Variants in RGSL1 observed in about 807,000 individuals in gnomAD.
The protein encoded by RGSL1 is regulator of G protein signaling protein-like.
In RGSL1, 97 loss-of-function variants were observed where a neutral mutation model predicts 124.7. The observed-to-expected ratio is 0.78, with a 90% CI of 0.66 to 0.92. The LOEUF is 0.92. Ranked by LOEUF, RGSL1 falls within the 40% of genes least tolerant of loss-of-function variation. The pLI is 0.00. For synonymous variants in RGSL1, 424 were observed against 438.1 expected, an observed-to-expected ratio of 0.97 and a Z score of 0.40; for missense variants, 1,233 against 1,288.4, an observed-to-expected ratio of 0.96 and a Z score of 0.66.
At chr1:182,478,991 A>G (rs1365382708) in intron 6 of RGSL1, among the ~76,000 whole-genome samples, 1 of 152,220 alleles carries the variant, frequency 6.6e-6, no homozygotes, top group Admixed American at 6.5e-5. Context: ...CTTTACCCAG[A>G]AAAATTATCC....
intron 21 of RGSL1, 114 bp from the exon 22 acceptor site, chr1:182,560,165 A>C (rs1316256827): frequency 6.6e-6 from 1 of 152,248 alleles, no homozygotes; most frequent in Non-Finnish European, 1.5e-5. Flanking sequence ...CAGTTCAACT[A>C]TCAATTACAG....
At chr1:182,554,270 C>A (rs1000973685) in intron 19 of RGSL1, among the ~76,000 whole-genome samples, 2 of 152,208 alleles carry the variant, frequency 1.3e-5, no homozygotes, top group African/African-American at 4.8e-5. Flanking sequence ...ATGGGGGAGG[C>A]CACTATGGAA....
rs1333821124 is a variant in RGSL1 at position 182,473,976 on chromosome 1, G to T, written c.865G>T (p.Val289Phe). ...LQETCPQEKV[V>F]IQMPSLKMAS... ...GGAGACATGTCCTCAAGAGAAGGTG[G>T]TTATACAAATGCCTTCCCTGAAAAT... Residue 289 changes from valine (V) to phenylalanine (F), a missense_variant, in exon 6 of 22, where the codon GTT becomes TTT. Physicochemically the swap from Val to Phe is conservative, Grantham distance 50. Transcript: ENST00000294854. 1.3e-6 allele frequency: 2 copies of T among 1,551,978 alleles called. No individual in the cohort carries two copies. The highest frequency in any genetic ancestry group is 1.2e-5 in the South Asian group (1 of 84,064).
intron 6 of RGSL1, among the ~76,000 whole-genome samples, chr1:182,481,571 A>C (rs1323932528): frequency 6.6e-6 from 1 of 152,220 alleles, no homozygotes; most frequent in African/African-American, 2.4e-5. Flanking sequence ...GAGAGAGAAC[A>C]CTTTCAAAGT....
chr1:182,548,746 CAG>C lies in RGSL1; in HGVS notation c.2858_2859del (p.Glu953GlyfsTer39). ...AAGGATGCCATCCTTGCTGCCATCA[CAG>C]AGGGCTACCTAGATCGGAGCGTCTT... On this transcript the variant is annotated frameshift_variant, in exon 17 of 22. Transcript: ENST00000294854. LOFTEE classifies it high-confidence loss of function. The C allele has an allele frequency of 6.4e-7, 1 of 1,551,658 alleles. No individual in the cohort carries two copies. Among genetic ancestry groups the C allele is most frequent in the Non-Finnish European group, 8.7e-7 (1 of 1,146,990 alleles).
chr1:182,476,933 T>C (rs1391941792), intron 6 of RGSL1, among the ~76,000 whole-genome samples: 1 of 152,228 alleles, frequency 6.6e-6, no homozygotes, highest in Non-Finnish European at 1.5e-5. Context: ...GAGGACTTCC[T>C]TGGCCATTTG....
chr1:182,512,680 G>A (rs1657550194), intron 9 of RGSL1, among the ~76,000 whole-genome samples: 1 of 152,158 alleles, frequency 6.6e-6, no homozygotes, highest in African/African-American at 2.4e-5. Flanking sequence ...TTGTACCTGG[G>A]TTCTTGTCTG....
intron 9 of RGSL1, among the ~76,000 whole-genome samples, chr1:182,499,773 A>T (rs974982582): frequency 3.9e-5 from 6 of 152,170 alleles, no homozygotes; most frequent in African/African-American, 1.4e-4. Flanking sequence ...TCAATGGCCT[A>T]TGTACTTAAG....
At chr1:182,525,600 A>G (rs1320348684) in intron 10 of RGSL1, among the ~76,000 whole-genome samples, 1 of 152,178 alleles carries the variant, frequency 6.6e-6, no homozygotes, top group Non-Finnish European at 1.5e-5. Flanking sequence ...AAATATAAAG[A>G]CAGAAAAATC....
intron 9 of RGSL1, among the ~76,000 whole-genome samples, chr1:182,519,554 A>G (rs10911084): frequency 3.3e-5 from 5 of 151,990 alleles, no homozygotes; most frequent in African/African-American, 1.2e-4. Flanking sequence ...TAACTTTACT[A>G]TAATATGCCT....
intron 15 of RGSL1, 74 bp from the exon 16 acceptor site, chr1:182,548,243 T>C: frequency 6.6e-7 from 1 of 1,508,336 alleles, no homozygotes; most frequent in Non-Finnish European, 9.0e-7. Context: ...CAGAAATGAG[T>C]CTAGGCTGGG....
chr1:182,511,505 G>A (rs1391169384), intron 9 of RGSL1, among the ~76,000 whole-genome samples: 2 of 152,192 alleles, frequency 1.3e-5, no homozygotes, highest in Non-Finnish European at 2.9e-5. Flanking sequence ...ATTTATTGAA[G>A]AGACTGTTAT....
intron 14 of RGSL1, among the ~76,000 whole-genome samples, chr1:182,533,664 C>T (rs1659347203): frequency 6.6e-6 from 1 of 152,148 alleles, no homozygotes; most frequent in Admixed American, 6.5e-5. Context: ...ATTTTCTCAT[C>T]TATAGAATGG....
At chr1:182,553,372 G>A (rs1348925691) in intron 18 of RGSL1, 83 bp from the exon 19 acceptor site, 3 of 988,390 alleles carry the variant, frequency 3.0e-6, no homozygotes, top group Admixed American at 2.3e-5. Context: ...TGTTAAACAA[G>A]AGCTTTATTG....
chr1:182,509,819 C>T (rs1362045751), intron 9 of RGSL1, among the ~76,000 whole-genome samples: 1 of 94,552 alleles, frequency 1.1e-5, no homozygotes, highest in Non-Finnish European at 2.1e-5. Flanking sequence ...GGGGGGCTGA[C>T]CCCCCCCCAC....
At chr1:182,491,533 G>A (rs1424580657) in intron 8 of RGSL1, among the ~76,000 whole-genome samples, 2 of 152,164 alleles carry the variant, frequency 1.3e-5, no homozygotes, top group South Asian at 2.1e-4. Flanking sequence ...CTTTTATACA[G>A]GGAAACATGA....
intron 20 of RGSL1, 125 bp downstream of exon 20, chr1:182,554,818 T>A: frequency 1.1e-6 from 1 of 931,684 alleles, no homozygotes; most frequent in Non-Finnish European, 1.6e-6. Flanking sequence ...ATGCAGAACC[T>A]AGAAACTGAG....
intron 8 of RGSL1, among the ~76,000 whole-genome samples, chr1:182,491,042 C>A (rs12041644): frequency 0.059 from 8,849 of 151,080 alleles, 369 homozygotes; most frequent in South Asian, 0.18. Flanking sequence ...AGGCATGCAC[C>A]ACCACACCCA....
Position 182,540,312 on chromosome 1 carries a change from G to T in RGSL1, c.2560G>T (p.Asp854Tyr). ...ACCCTCCACAAATGTCCGGAGTGCA[G>T]ACCAAGAGAATGGAGAAATAACCCT... The part of the protein sequence containing the change: ...APPSTNVRSA[D>Y]QENGEITLVK... The change falls in exon 15 of 22, where the codon GAC (aspartate) becomes TAC (tyrosine). Residue 854 changes from aspartate (D) to tyrosine (Y), a missense_variant. Physicochemically the swap from Asp to Tyr is radical, Grantham distance 160 (BLOSUM62 -3). Coordinates refer to ENST00000294854, the MANE Select transcript of RGSL1 (RefSeq NM_001137669.2). 1.3e-6 allele frequency: 2 copies of T among 1,551,608 alleles called. No homozygotes were observed. Among genetic ancestry groups the T allele is most frequent in the South Asian group, 2.4e-5 (2 of 84,034 alleles).
Sources: gnomAD v4.1 joint callset for allele counts (sites outside exome capture counted in the v4.1 genomes callset) on GRCh38, gnomAD v4.1.1 for gene constraint, MANE v1.5 for transcripts, NCBI Gene and HGNC (gene_info 2026-07-23, HGNC 2026-07-21) for gene names.